Variants in ATR observed in about 807,000 individuals in gnomAD.
ATR encodes serine/threonine-protein kinase ATR.
In ATR, 142 loss-of-function variants were observed where a neutral mutation model predicts 305.3. That is an observed-to-expected ratio of 0.47 (90% confidence interval 0.41 to 0.53). The LOEUF (loss-of-function observed/expected upper bound fraction) is 0.53, where lower values mean the gene tolerates loss of function less well. Ranked by LOEUF, ATR falls within the 20% of genes least tolerant of loss-of-function variation. ATR has a pLI of 0.00. For synonymous variants in ATR, 1,050 were observed against 1,068.1 expected, an observed-to-expected ratio of 0.98 and a Z score of 0.33; for missense variants, 2,135 against 3,133.1, an observed-to-expected ratio of 0.68 and a Z score of 7.60.
At chr3:142,462,755 A>G (rs2071048212) in intron 41 of ATR, among the ~76,000 whole-genome samples, 1 of 152,208 alleles carries the variant, frequency 6.6e-6, no homozygotes, top group Non-Finnish European at 1.5e-5. Flanking sequence ...GGCATGAGCC[A>G]CTGTGCCCGG....
In ATR at chr3:142,503,402, A is replaced by G; in HGVS notation, c.5248T>C (p.Ser1750Pro). 2 of 1,608,996 alleles carry G rather than the reference A, an allele frequency of 1.2e-6. No individual in the cohort carries two copies. The highest frequency in any genetic ancestry group is 8.5e-7 in the Non-Finnish European group (1 of 1,175,524). The change falls in exon 30 of 47, where the codon TCT becomes CCT. Residue 1750 changes from serine (S) to proline (P), a missense_variant. By Grantham distance (74) the Ser-to-Pro change is moderately conservative. Coordinates refer to ENST00000350721, the MANE Select transcript of ATR (RefSeq NM_001184.4). The part of the protein sequence containing the change: ...VKSMLGLGQL[S>P]TVITQVNGVH... ...CCATTCACCTGAGTGATAACAGTAGACAGCTGACCAAGACCTAACATGGAC... is the reference window on the plus strand; with the variant it reads ...CCATTCACCTGAGTGATAACAGTAGGCAGCTGACCAAGACCTAACATGGAC...
intron 10 of ATR, among the ~76,000 whole-genome samples, chr3:142,554,748 T>C (rs1178337117): frequency 6.6e-6 from 1 of 151,038 alleles, no homozygotes; most frequent in Non-Finnish European, 1.5e-5. Context: ...CAAAGTGAGA[T>C]CCCTCTCTAC....
chr3:142,450,357 A>G, intron 46 of ATR: 7 of 1,351,614 alleles, frequency 5.2e-6, no homozygotes, highest in Non-Finnish European at 6.2e-6. Context: ...CATTCAAGAC[A>G]GTGTTTAAGT....
At chr3:142,526,660 G>A (rs997337980) in intron 21 of ATR, among the ~76,000 whole-genome samples, 1 of 151,980 alleles carries the variant, frequency 6.6e-6, no homozygotes, top group South Asian at 2.1e-4. Context: ...CGGCATCTAT[G>A]GAAATAATAG....
Position 142,449,353 on chromosome 3 carries a change from G to T in ATR, c.*76C>A. Reference sequence around the variant, plus strand: ...TAAATTTATGTTGTACTTTAGAATTGAACAGATACAACCACAGATTCATAC... The same window carrying T: ...TAAATTTATGTTGTACTTTAGAATTTAACAGATACAACCACAGATTCATAC... On this transcript the variant is annotated 3_prime_UTR_variant, in exon 47 of 47. Coordinates refer to ENST00000350721, the MANE Select transcript of ATR (RefSeq NM_001184.4). 3 of 1,385,766 alleles carry T rather than the reference G, an allele frequency of 2.2e-6. No individual in the cohort carries two copies. The highest frequency in any genetic ancestry group is 1.2e-5 in the South Asian group (1 of 84,066). 85.8% of individuals were successfully genotyped at this position (1,385,766 alleles called of 1,614,324 possible).
At position 142,540,990 on chromosome 3, in the gene ATR, T is replaced by C. The variant is rs772653387; in HGVS notation, c.3495A>G (p.Lys1165=). 1 of 1,613,694 alleles carries C rather than the reference T, an allele frequency of 6.2e-7. No individual in the cohort carries two copies. The highest frequency in any genetic ancestry group is 1.7e-5 in the Admixed American group (1 of 59,974). The change falls in exon 18 of 47, where the codon AAA becomes AAG. Residue 1165 remains lysine, a synonymous_variant. Coordinates refer to ENST00000350721, the MANE Select transcript of ATR (RefSeq NM_001184.4). Reference sequence around the variant, plus strand: ...TCTTCACCCTCACAGAACTGACATGTTTGGGTCCCATTAACTTCATCAAAG... The same window carrying C: ...TCTTCACCCTCACAGAACTGACATGCTTGGGTCCCATTAACTTCATCAAAG... ...LMSLMKLMGP[K]HVSSVRVKMM...
chr3:142,474,955 T>TA (rs1296278452), intron 36 of ATR, among the ~76,000 whole-genome samples: 15 of 152,104 alleles, frequency 9.9e-5, no homozygotes, highest in African/African-American at 2.4e-4. Flanking sequence ...TCTTTTATTT[T>TA]AAAAAACAAA....
At chr3:142,524,932 T>G (rs1279109361) in intron 21 of ATR, among the ~76,000 whole-genome samples, 1 of 152,230 alleles carries the variant, frequency 6.6e-6, no homozygotes, top group Non-Finnish European at 1.5e-5. Flanking sequence ...TTATATTATT[T>G]TCTTTCTAGC....
chr3:142,460,134 T>C (rs2070992516), intron 42 of ATR, among the ~76,000 whole-genome samples: 1 of 152,120 alleles, frequency 6.6e-6, no homozygotes, highest in African/African-American at 2.4e-5. Context: ...ACTGTGAACT[T>C]AGACAAGTTA....
intron 23 of ATR, 85 bp from the exon 24 acceptor site, chr3:142,519,869 T>C (rs2033068655): frequency 9.9e-7 from 1 of 1,011,316 alleles, no homozygotes; most frequent in South Asian, 1.3e-5. Context: ...ATCTTAGTTA[T>C]AAAAATACAG....
chr3:142,529,985 T>C (rs1354880747), intron 21 of ATR, among the ~76,000 whole-genome samples: 1 of 152,162 alleles, frequency 6.6e-6, no homozygotes, highest in Non-Finnish European at 1.5e-5. Context: ...TCTTGGATTA[T>C]AATTTTAAAT....
rs545436246 is a variant in ATR, at chr3:142,461,992, C to T, written c.7140G>A (p.Val2380=). 3.7e-6 allele frequency: 6 copies of T among 1,613,596 alleles called. No individual in the cohort carries two copies. In the South Asian group the frequency reaches 6.6e-5, roughly 18 times the overall value. Residue 2380 remains valine, a synonymous_variant, in exon 42 of 47, where the codon GTG becomes GTA. Transcript: ENST00000350721. Reference sequence around the variant, plus strand: ...TAGGTCTCAAACCAGCAGTGTTGTTCACCCATTCAATAATCCCACATTCAT... The same window carrying T: ...TAGGTCTCAAACCAGCAGTGTTGTTTACCCATTCAATAATCCCACATTCAT... ...LNDECGIIEW[V]NNTAGLRPIL...
chr3:142,522,403 T>C (rs1214720343), intron 23 of ATR, among the ~76,000 whole-genome samples: 1 of 152,064 alleles, frequency 6.6e-6, no homozygotes, highest in Non-Finnish European at 1.5e-5. Flanking sequence ...CATAGAAAAA[T>C]AAACAGAATT....
At chr3:142,453,059 T>C (rs560285889) in intron 46 of ATR, 69 bp downstream of exon 46, 121 of 1,604,810 alleles carry the variant, frequency 7.5e-5, no homozygotes, top group Admixed American at 1.2e-4. Flanking sequence ...ATGAGAACTA[T>C]AGCTGCATAT....
At chr3:142,516,740 G>A (rs1172487098) in intron 24 of ATR, among the ~76,000 whole-genome samples, 1 of 151,988 alleles carries the variant, frequency 6.6e-6, no homozygotes, top group African/African-American at 2.4e-5. Flanking sequence ...TAAGGGCCAC[G>A]GCTCTCCCAT....
chr3:142,472,887 G>T (rs1261795218), intron 36 of ATR, among the ~76,000 whole-genome samples: 1 of 152,106 alleles, frequency 6.6e-6, no homozygotes, highest in Non-Finnish European at 1.5e-5. Flanking sequence ...CGATCCATCT[G>T]CCTGAGCCTC....
chr3:142,450,245 T>C, intron 46 of ATR: 1 of 657,456 alleles, frequency 1.5e-6, no homozygotes, highest in Non-Finnish European at 2.7e-6. Context: ...GGTATTAAAA[T>C]AACCCCTACA....
rs768981812 is a variant in ATR, at chr3:142,515,530, ATTTG to A, written c.4383-19_4383-16del. 4.4e-5 allele frequency: 71 copies of A among 1,603,286 alleles called. No homozygotes were observed. The African/African-American group carries it at 8.4e-4, about 19-fold the overall frequency. ...AACTCTTGTATCTGTAATTTTGAAA[ATTTG>A]TTTATTAAAAAGATAAATCCACCTG... is the stretch of plus-strand genomic sequence containing the variant. On this transcript the variant is annotated splice_polypyrimidine_tract_variant and intron_variant, in intron 24 of 46. Transcript: ENST00000350721.
rs561610524 is a variant in ATR, at chr3:142,462,200, A to G, written c.7042-110T>C. On this transcript the variant is annotated intron_variant, in intron 41 of 46. Coordinates refer to ENST00000350721, the MANE Select transcript of ATR (RefSeq NM_001184.4). The stretch of plus-strand genomic sequence containing the variant: ...ATTTCATAACCAAAGAATGTCATTG[A>G]AGGCTTACTATGTGGTATACATGAA... 4.5e-6 allele frequency: 5 copies of G among 1,102,004 alleles called. No homozygotes were observed. In the African/African-American group the frequency reaches 7.9e-5, roughly 17 times the overall value. The allele number at this position is 1,102,004 out of a possible 1,614,324, so 68.3% of individuals were successfully genotyped here. A position where few individuals can be genotyped will look rare whatever the true frequency, so the allele number is the denominator to read the frequency against.
Sources: allele counts gnomAD v4.1 joint callset (sites outside exome capture counted in the v4.1 genomes callset), GRCh38; gene constraint gnomAD v4.1.1; transcripts MANE v1.5; gene names NCBI Gene and HGNC (gene_info 2026-07-23, HGNC 2026-07-21).